Variants in CDH15 observed in about 807,000 individuals in gnomAD.
The protein encoded by CDH15 is cadherin 15.
CDH15 carries 73 observed loss-of-function variants against 69.4 expected under a neutral mutation model. That is an observed-to-expected ratio of 1.05 (90% confidence interval 0.87 to 1.28). CDH15 has a LOEUF of 1.28. Among genes scored for constraint, CDH15 ranks in the 50% most tolerant of loss-of-function variants. CDH15 has a pLI of 0.00. For missense variants in CDH15, 1,343 were observed against 1,133.6 expected (o/e 1.18, Z -2.65); for synonymous variants, 624 against 507.7 (o/e 1.23, Z -3.08).
chr16:89,191,541 C>T (rs949361574), intron 9 of CDH15, 69 bp downstream of exon 9: 7 of 1,597,684 alleles, frequency 4.4e-6, no homozygotes, highest in East Asian at 2.3e-5. Context: ...CTGCCAGTGT[C>T]GGAGGGCTCT....
At chr16:89,193,435 T>G in intron 11 of CDH15, 35 bp from the exon 12 acceptor site, 1 of 1,556,948 alleles carries the variant, frequency 6.4e-7, no homozygotes, top group Admixed American at 1.8e-5. Context: ...TCGCGCCCTG[T>G]GCCTGGCCCC....
At chr16:89,193,693 C>T in intron 12 of CDH15, 62 bp from the exon 13 acceptor site, 2 of 1,576,414 alleles carry the variant, frequency 1.3e-6, no homozygotes, top group Admixed American at 1.8e-5. Context: ...GAGCCTGTAC[C>T]TGAGACCTCC....
intron 1 of CDH15, among the ~76,000 whole-genome samples, chr16:89,173,076 C>A (rs897940715): frequency 6.6e-6 from 1 of 152,032 alleles, no homozygotes; most frequent in African/African-American, 2.4e-5. Flanking sequence ...CCAGCAGCTG[C>A]CCCTGAGGGC....
At chr16:89,179,130 C>T (rs550395521) in intron 1 of CDH15, among the ~76,000 whole-genome samples, 2 of 152,332 alleles carry the variant, frequency 1.3e-5, no homozygotes, top group African/African-American at 4.8e-5. Context: ...CTGAGTGGGC[C>T]CAGTAGGAGA....
chr16:89,189,067 G>GCA (rs1313760713), intron 7 of CDH15, among the ~76,000 whole-genome samples: 1 of 104,016 alleles, frequency 9.6e-6, no homozygotes, highest in South Asian at 3.3e-4. Context: ...ACAGATGCCG[G>GCA]CACACACAGA....
In CDH15 at chr16:89,195,473, G is replaced by A. The variant is rs1345274416; in HGVS notation, c.*318G>A. ...TCCTGGGTAAATCTGAATGAAAAACGTGCTAGTCTCTTTCATGCAGGACGG... is the reference window on the plus strand; with the variant it reads ...TCCTGGGTAAATCTGAATGAAAAACATGCTAGTCTCTTTCATGCAGGACGG... On this transcript the variant is annotated 3_prime_UTR_variant, in exon 14 of 14. Transcript: ENST00000289746. 2.4e-5 allele frequency: 10 copies of A among 415,760 alleles called. No individual in the cohort carries two copies. The highest frequency in any genetic ancestry group is 4.3e-5 in the Non-Finnish European group (10 of 230,492). The allele number at this position is 415,760 out of a possible 1,614,324, so 25.8% of individuals were successfully genotyped here.
At chr16:89,180,595 G>C (rs1162881320) in intron 3 of CDH15, among the ~76,000 whole-genome samples, 3 of 152,238 alleles carry the variant, frequency 2.0e-5, no homozygotes, top group African/African-American at 4.8e-5. Flanking sequence ...AGGTCCCGTG[G>C]AGGAGCGGCT....
intron 1 of CDH15, among the ~76,000 whole-genome samples, chr16:89,177,353 C>T (rs769045641): frequency 1.1e-4 from 17 of 152,194 alleles, no homozygotes; most frequent in Non-Finnish European, 2.5e-4. Flanking sequence ...GGGAACACAG[C>T]TCCTCACTTT....
intron 3 of CDH15, among the ~76,000 whole-genome samples, chr16:89,182,273 C>T (rs1375095551): frequency 9.0e-6 from 1 of 111,266 alleles, no homozygotes; most frequent in Non-Finnish European, 1.9e-5. Flanking sequence ...CCTCCCCAAG[C>T]CTCCCCTCCC....
In CDH15 at chr16:89,190,422, G is replaced by C. The variant is rs1396510547; in HGVS notation, c.1158G>C (p.Glu386Asp). ...QENPLRTSLAEGAPPGTLVAT... is the reference protein window; with the variant it reads ...QENPLRTSLADGAPPGTLVAT... ...ACCCACTTCGGACCAGCCTAGCAGAGGGGGCACCCCCAGGCACTCTGGTGG... is the reference window on the plus strand; with the variant it reads ...ACCCACTTCGGACCAGCCTAGCAGACGGGGCACCCCCAGGCACTCTGGTGG... Residue 386 changes from glutamate to aspartate, a missense_variant, in exon 8 of 14, where the codon GAG (glutamate) becomes GAC (aspartate). Physicochemically the swap from Glu to Asp is conservative, Grantham distance 45 (BLOSUM62 2). Transcript: ENST00000289746. 6.2e-7 allele frequency: 1 copy of C among 1,611,316 alleles called. No individual in the cohort carries two copies. The highest frequency in any genetic ancestry group is 1.1e-5 in the South Asian group (1 of 90,580).
chr16:89,188,065 C>T, intron 6 of CDH15, 35 bp from the exon 7 acceptor site: 2 of 1,576,948 alleles, frequency 1.3e-6, no homozygotes, highest in Non-Finnish European at 1.7e-6. Context: ...TCCCCCCAGC[C>T]CTGCTGGTAA....
intron 2 of CDH15, 55 bp from the exon 3 acceptor site, chr16:89,180,145 G>T (rs545585539): frequency 6.3e-7 from 1 of 1,597,556 alleles, no homozygotes; most frequent in African/African-American, 1.3e-5. Flanking sequence ...GCTGCAGAGA[G>T]GGCAGAGGCC....
At chr16:89,189,343 C>CCACACACAGATGCTGG (rs1915586698) in intron 7 of CDH15, among the ~76,000 whole-genome samples, 2 of 124,618 alleles carry the variant, frequency 1.6e-5, no homozygotes, top group East Asian at 3.5e-4. Context: ...ACACAGATGC[C>CCACACACAGATGCTGG]CACACACAGA....
At chr16:89,190,829 A>G (rs1447862223) in intron 8 of CDH15, among the ~76,000 whole-genome samples, 2 of 152,034 alleles carry the variant, frequency 1.3e-5, no homozygotes, top group African/African-American at 4.8e-5. Context: ...GTCTGTGTCC[A>G]CGGGGCCCGG....
At chr16:89,188,565 C>T (rs1294435929) in intron 7 of CDH15, among the ~76,000 whole-genome samples, 1 of 147,812 alleles carries the variant, frequency 6.8e-6, no homozygotes, top group East Asian at 2.1e-4. Context: ...GATGCCGGCA[C>T]ACACACATGC....
At chr16:89,183,453 CA>C in intron 3 of CDH15, 94 bp from the exon 4 acceptor site, 1 of 1,438,130 alleles carries the variant, frequency 7.0e-7, no homozygotes. Context: ...CAGCTGGAGA[CA>C]AAGTCTGAAC....
rs967195437 is a variant in CDH15 at position 89,192,322 on chromosome 16, C to T, written c.1733C>T (p.Thr578Ile). 2 of 1,535,710 alleles carry T rather than the reference C, an allele frequency of 1.3e-6. No individual in the cohort carries two copies. Among genetic ancestry groups the T allele is most frequent in the African/African-American group, 1.4e-5 (1 of 73,156 alleles). The change falls in exon 11 of 14, where the codon ACC becomes ATC. Residue 578 changes from threonine to isoleucine, a missense_variant. Coordinates refer to ENST00000289746, the MANE Select transcript of CDH15 (RefSeq NM_004933.3). Reference protein sequence around the residue: ...PQQREQPLNVTVCRCGKDGVC... With the variant: ...PQQREQPLNVIVCRCGKDGVC... ...CAGCGCGAGCAGCCTCTGAACGTGA[C>T]CGTGTGCCGCTGCGGCAAGGACGGC...
chr16:89,188,360 G>T (rs1915542767), intron 7 of CDH15, 75 bp downstream of exon 7: 1 of 1,150,272 alleles, frequency 8.7e-7, no homozygotes, highest in African/African-American at 1.5e-5. Flanking sequence ...ACACACAGAT[G>T]CCGGCACACA....
rs1201407178 is a variant in CDH15 at position 89,192,310 on chromosome 16, C to A, written c.1721C>A (p.Pro574His). The change falls in exon 11 of 14, where the codon CCT becomes CAT. Residue 574 changes from proline (P) to histidine (H), a missense_variant. Coordinates refer to ENST00000289746, the MANE Select transcript of CDH15 (RefSeq NM_004933.3). The stretch of plus-strand genomic sequence containing the variant: ...CAGCCGCCCCAGCAGCGCGAGCAGC[C>A]TCTGAACGTGACCGTGTGCCGCTGC... ...SGQPPQQREQ[P>H]LNVTVCRCGK... 6.5e-7 allele frequency: 1 copy of A among 1,535,010 alleles called. No homozygotes were observed. The highest frequency in any genetic ancestry group is 1.4e-5 in the African/African-American group (1 of 73,078).
Sources: gnomAD v4.1 joint callset for allele counts (sites outside exome capture counted in the v4.1 genomes callset) on GRCh38, gnomAD v4.1.1 for gene constraint, MANE v1.5 for transcripts, NCBI Gene and HGNC (gene_info 2026-07-23, HGNC 2026-07-21) for gene names.